Variants in COL21A1 observed in about 807,000 individuals in gnomAD.
COL21A1 encodes the protein collagen alpha-1(XXI) chain.
A neutral mutation model predicts 137.9 loss-of-function variants in COL21A1; 149 were observed. The ratio of observed to expected loss-of-function variants is 1.08; its 90% CI spans 0.95 to 1.24. The LOEUF (loss-of-function observed/expected upper bound fraction) is 1.24, where lower values mean the gene tolerates loss of function less well. Among genes scored for constraint, COL21A1 ranks in the 50% most tolerant of loss-of-function variants. The pLI, the probability that COL21A1 is intolerant of heterozygous loss-of-function variation, is 0.00. For synonymous variants in COL21A1, 456 were observed against 391.5 expected, an observed-to-expected ratio of 1.16 and a Z score of -1.95; for missense variants, 1,167 against 1,158.4, an observed-to-expected ratio of 1.01 and a Z score of -0.11.
intron 7 of COL21A1, among the ~76,000 whole-genome samples, chr6:56,166,399 C>T (rs778398460): frequency 6.6e-6 from 1 of 152,108 alleles, no homozygotes; most frequent in Admixed American, 6.5e-5. Context: ...CGCTTGTAAT[C>T]CCAGCACTTT....
At chr6:56,284,590 T>G (rs1298675128) in intron 1 of COL21A1, among the ~76,000 whole-genome samples, 2 of 152,098 alleles carry the variant, frequency 1.3e-5, no homozygotes, top group Non-Finnish European at 2.9e-5. Flanking sequence ...AACAGCAGTG[T>G]CTTCCCCTTC....
intron 1 of COL21A1, among the ~76,000 whole-genome samples, chr6:56,322,696 C>A (rs2152341589): frequency 6.6e-6 from 1 of 152,076 alleles, no homozygotes; most frequent in Admixed American, 6.6e-5. Context: ...TAAACTTATA[C>A]AAGATATTCC....
At chr6:56,214,339 C>G (rs1780356349) in intron 1 of COL21A1, among the ~76,000 whole-genome samples, 1 of 152,088 alleles carries the variant, frequency 6.6e-6, no homozygotes, top group South Asian at 2.1e-4. Context: ...AATGGAATTT[C>G]TAAATGATAG....
chr6:56,065,928 C>T (rs77990541), intron 23 of COL21A1, among the ~76,000 whole-genome samples: 1 of 151,782 alleles, frequency 6.6e-6, no homozygotes, highest in Non-Finnish European at 1.5e-5. Context: ...TTGCAGTAGC[C>T]CAGGACCCCT....
chr6:56,130,640 T>C (rs1773486421), intron 12 of COL21A1, among the ~76,000 whole-genome samples: 1 of 149,944 alleles, frequency 6.7e-6, no homozygotes, highest in African/African-American at 2.5e-5. Flanking sequence ...ACTAGGAACA[T>C]CCACTCATGT....
rs772434961 is a variant in COL21A1 at position 56,179,565 on chromosome 6, T to G, written c.640+13A>C. On this transcript the variant is annotated intron_variant, in intron 3 of 29. Coordinates refer to ENST00000244728, the MANE Select transcript of COL21A1 (RefSeq NM_030820.4). ...ATTGCTTCCAAATTATATTAAGGCA[T>G]TTTAAGGCTTACCTTCACAAAGTTT... is the stretch of plus-strand genomic sequence containing the variant. 14 of 1,592,098 alleles carry G rather than the reference T, an allele frequency of 8.8e-6. No individual in the cohort carries two copies. Among genetic ancestry groups the G allele is most frequent in the Non-Finnish European group, 1.0e-5 (12 of 1,167,370 alleles).
intron 1 of COL21A1, among the ~76,000 whole-genome samples, chr6:56,185,777 A>C (rs1778249669): frequency 6.6e-6 from 1 of 152,184 alleles, no homozygotes; most frequent in African/African-American, 2.4e-5. Context: ...AAATTGGTCC[A>C]ATTATTTGTT....
chr6:56,157,071 G>GGAAA, intron 9 of COL21A1, 122 bp from the exon 10 acceptor site: 1 of 269,386 alleles, frequency 3.7e-6, no homozygotes, highest in Non-Finnish European at 6.0e-6. Context: ...AAAAACAAAA[G>GGAAA]TAAAAAAAAA....
intron 1 of COL21A1, among the ~76,000 whole-genome samples, chr6:56,284,287 C>T (rs1413005916): frequency 6.6e-6 from 1 of 152,144 alleles, no homozygotes; most frequent in African/African-American, 2.4e-5. Context: ...CGTCTGAGCT[C>T]AAGTGATCCA....
intron 1 of COL21A1, among the ~76,000 whole-genome samples, chr6:56,294,505 T>A (rs1764120487): frequency 6.6e-6 from 1 of 152,074 alleles, no homozygotes; most frequent in East Asian, 1.9e-4. Flanking sequence ...TATACACACA[T>A]ATATTTTCAC....
upstream of COL21A1, among the ~76,000 whole-genome samples, chr6:56,251,509 A>C (rs1782852028): frequency 6.6e-6 from 1 of 152,236 alleles, no homozygotes; most frequent in African/African-American, 2.4e-5. Flanking sequence ...GCACCAGGCT[A>C]GACTTTTGGG....
intron 10 of COL21A1, among the ~76,000 whole-genome samples, chr6:56,152,940 G>C (rs755112935): frequency 1.8e-4 from 27 of 152,130 alleles, no homozygotes; most frequent in Non-Finnish European, 3.7e-4. Flanking sequence ...TGCAGGCTAA[G>C]GAGGCTCACA....
At chr6:56,129,079 G>T (rs938881410) in intron 12 of COL21A1, among the ~76,000 whole-genome samples, 1 of 152,154 alleles carries the variant, frequency 6.6e-6, no homozygotes, top group African/African-American at 2.4e-5. Flanking sequence ...GATTCACTTG[G>T]CTACACAGAG....
chr6:56,295,047 T>C (rs1381005261), intron 1 of COL21A1, among the ~76,000 whole-genome samples: 1 of 152,110 alleles, frequency 6.6e-6, no homozygotes, highest in Admixed American at 6.5e-5. Context: ...ATCTTCCAGC[T>C]GTTCTACAGT....
At chr6:56,380,524 C>G (rs778538098) in intron 1 of COL21A1, among the ~76,000 whole-genome samples, 6 of 152,128 alleles carry the variant, frequency 3.9e-5, no homozygotes, top group Non-Finnish European at 8.8e-5. Flanking sequence ...TATCTGTAAT[C>G]TTCAAACCAA....
chr6:56,257,160 A>C (rs980189628), intron 1 of COL21A1, among the ~76,000 whole-genome samples: 8 of 152,196 alleles, frequency 5.3e-5, no homozygotes, highest in African/African-American at 1.9e-4. Context: ...AAAGCATGTG[A>C]ATCTTATTCC....
intron 1 of COL21A1, among the ~76,000 whole-genome samples, chr6:56,233,412 A>G (rs1781709311): frequency 6.6e-6 from 1 of 151,904 alleles, no homozygotes; most frequent in Non-Finnish European, 1.5e-5. Flanking sequence ...AGTTAAATCT[A>G]ATTGATATAT....
chr6:56,116,413 A>C (rs942633070), intron 16 of COL21A1, among the ~76,000 whole-genome samples: 13 of 150,940 alleles, frequency 8.6e-5, no homozygotes, highest in Middle Eastern at 3.4e-3. Context: ...AAAAAAAAAA[A>C]AAAAAAAAAA....
intron 1 of COL21A1, among the ~76,000 whole-genome samples, chr6:56,208,262 G>A (rs531523876): frequency 3.5e-4 from 53 of 152,264 alleles, no homozygotes; most frequent in African/African-American, 1.1e-3. Flanking sequence ...TGACATGATT[G>A]TATATTTAGA....
Sources: allele counts gnomAD v4.1 joint callset (sites outside exome capture counted in the v4.1 genomes callset), GRCh38; gene constraint gnomAD v4.1.1; transcripts MANE v1.5; gene names NCBI Gene and HGNC (gene_info 2026-07-23, HGNC 2026-07-21).